Variants in SEMA4D observed in about 807,000 individuals in gnomAD.
SEMA4D encodes the protein semaphorin-4D.
SEMA4D carries 22 observed loss-of-function variants against 74.8 expected under a neutral mutation model. That is an observed-to-expected ratio of 0.29 (90% CI 0.21 to 0.42). The LOEUF (loss-of-function observed/expected upper bound fraction) is 0.42. SEMA4D is among the 10% of genes least tolerant of loss of function. SEMA4D has a pLI of 1.00. For missense variants in SEMA4D, 937 were observed against 1,118.4 expected, an observed-to-expected ratio of 0.84 and a Z score of 2.31; for synonymous variants, 445 against 463.7, an observed-to-expected ratio of 0.96 and a Z score of 0.52.
rs199958670 is a variant in SEMA4D at position 89,484,877 on chromosome 9, TG to T, written c.-310+13041del. On this transcript the variant is annotated intron_variant, in intron 1 of 15. Coordinates refer to ENST00000422704, the MANE Select transcript of SEMA4D (RefSeq NM_001371194.2). The surrounding 1 kb of genome is among the most constrained non-coding windows in gnomAD (Gnocchi z 4.1). ...GTGTGTATACTGGGTGTTTGTGGTGTGGGGGGTATGTGTGTAGTGTGTGGTA... is the reference window on the plus strand; with the variant it reads ...GTGTGTATACTGGGTGTTTGTGGTGTGGGGGTATGTGTGTAGTGTGTGGTA... Among the ~76,000 whole-genome samples, 3,332 of 150,208 alleles carry T rather than the reference TG, an allele frequency of 0.022. 66 individuals carry two copies. Among genetic ancestry groups the T allele is most frequent in the South Asian group, 0.076 (358 of 4,726 alleles).
chr9:89,457,362 A>G (rs1211608758), intron 1 of SEMA4D, among the ~76,000 whole-genome samples: 1 of 152,192 alleles, frequency 6.6e-6, no homozygotes, highest in Non-Finnish European at 1.5e-5. Context: ...AGCCATGGAA[A>G]CCTTCCAAGT....
chr9:89,425,483 C>T (rs971655139), intron 2 of SEMA4D, among the ~76,000 whole-genome samples: 2 of 152,238 alleles, frequency 1.3e-5, no homozygotes, highest in Admixed American at 1.3e-4. Context: ...GGAAGCAGCA[C>T]GTGGCCCTGA....
downstream of SEMA4D, among the ~76,000 whole-genome samples, chr9:89,372,400 TGTGTGTGTCTGGGGTGTG>T (rs368278264): frequency 1.5e-4 from 18 of 117,366 alleles, no homozygotes; most frequent in Middle Eastern, 5.4e-3. Flanking sequence ...GTCGGGGGTG[TGTGTGTGTCTGGGGTGTG>T]GTGTGTGTGT....
chr9:89,476,550 G>A (rs756484631), intron 1 of SEMA4D, among the ~76,000 whole-genome samples: 4 of 152,202 alleles, frequency 2.6e-5, no homozygotes, highest in Non-Finnish European at 4.4e-5. Context: ...CCAAGGAGAA[G>A]AGCAGAAAGT....
At chr9:89,369,361 T>A (rs1834186500) in intron 16 of SEMA4D, 1 of 152,160 alleles carries the variant, frequency 6.6e-6, no homozygotes, top group African/African-American at 2.4e-5. Context: ...TAAAAGGCCA[T>A]CCCAAATCCA....
intron 2 of SEMA4D, among the ~76,000 whole-genome samples, chr9:89,423,421 C>A (rs1158864846): frequency 6.6e-6 from 1 of 152,140 alleles, no homozygotes; most frequent in Non-Finnish European, 1.5e-5. Flanking sequence ...AAACTCCCAA[C>A]CTCGGTGATC....
At chr9:89,443,240 C>T (rs372238820) in intron 2 of SEMA4D, among the ~76,000 whole-genome samples, 1 of 152,186 alleles carries the variant, frequency 6.6e-6, no homozygotes, top group Non-Finnish European at 1.5e-5. Flanking sequence ...GGCCGGGTCG[C>T]GAGGTGCTCT....
At chr9:89,425,990 G>T (rs940694086) in intron 2 of SEMA4D, among the ~76,000 whole-genome samples, 1 of 152,236 alleles carries the variant, frequency 6.6e-6, no homozygotes, top group African/African-American at 2.4e-5. Context: ...CACAGAATCT[G>T]CCAGAACCAT....
intron 1 of SEMA4D, among the ~76,000 whole-genome samples, chr9:89,494,564 T>C (rs7852744): frequency 0.89 from 135,309 of 152,266 alleles, 60,389 homozygotes; most frequent in Non-Finnish European, 0.93. Context: ...TAGATTGGCA[T>C]ATCTTTTAAA....
chr9:89,418,435 A>G lies in SEMA4D; in HGVS notation c.-243-12736T>C, dbSNP rs148541173. The G allele has an allele frequency of 9.1e-6, 9 of 985,420 alleles. No individual in the cohort carries two copies. In the East Asian group the frequency reaches 9.1e-4, roughly 99 times the overall value. The allele number at this position is 985,420 out of a possible 1,614,324, so 61.0% of individuals were successfully genotyped here. A position where few individuals can be genotyped will look rare whatever the true frequency, so the allele number is the denominator to read the frequency against. The stretch of plus-strand genomic sequence containing the variant: ...CACAATAAGCCATTCCAGTTAGCAG[A>G]GTCTGTGAACCAAAAAAGTACTATC... On this transcript the variant is annotated intron_variant, in intron 2 of 15. Transcript: ENST00000422704.
intron 2 of SEMA4D, among the ~76,000 whole-genome samples, chr9:89,438,245 C>T (rs1047994986): frequency 2.0e-5 from 3 of 152,260 alleles, no homozygotes; most frequent in African/African-American, 4.8e-5. Flanking sequence ...AGATGAGAAA[C>T]TGGAGACCCA....
chr9:89,386,266 C>T, intron 13 of SEMA4D, 101 bp downstream of exon 13: 1 of 1,048,258 alleles, frequency 9.5e-7, no homozygotes, highest in Non-Finnish European at 1.4e-6. Context: ...GACAGAGGGG[C>T]CTGCCCAGGA....
intron 1 of SEMA4D, among the ~76,000 whole-genome samples, chr9:89,459,818 G>A (rs577823948): frequency 6.6e-6 from 1 of 152,330 alleles, no homozygotes; most frequent in East Asian, 1.9e-4. Context: ...GCTAAGATTT[G>A]AGGGCCCATG....
In SEMA4D at chr9:89,381,648, G is replaced by C; in HGVS notation, c.1447-302C>G. 3.7e-6 allele frequency: 1 copy of C among 271,436 alleles called. No homozygotes were observed. Among genetic ancestry groups the C allele is most frequent in the East Asian group, 6.5e-5 (1 of 15,326 alleles). 16.8% of individuals were successfully genotyped at this position (271,436 alleles called of 1,614,324 possible). A position where few individuals can be genotyped will look rare whatever the true frequency, so the allele number is the denominator to read the frequency against. On this transcript the variant is annotated intron_variant, in intron 13 of 15. Transcript: ENST00000422704. The surrounding 1 kb of genome is among the most constrained non-coding windows in gnomAD (Gnocchi z 4.6). ...TCTCTGCACGTGTTTCTCTTAGCCA[G>C]TGGGGAGGCTGTTCAGTCCCCACCT...
intron 1 of SEMA4D, among the ~76,000 whole-genome samples, chr9:89,476,105 T>C (rs1465392122): frequency 6.6e-6 from 1 of 152,168 alleles, no homozygotes; most frequent in Non-Finnish European, 1.5e-5. Flanking sequence ...TCGCTCCTGG[T>C]GCCATTAGAA....
intron 16 of SEMA4D, among the ~76,000 whole-genome samples, chr9:89,371,231 C>G (rs1232454083): frequency 2.0e-5 from 1 of 50,738 alleles, no homozygotes; most frequent in Non-Finnish European, 3.7e-5. Context: ...TGGTGTGTGT[C>G]TGGGGTAGGG....
At chr9:89,450,103 T>A in intron 2 of SEMA4D, 5 of 1,217,652 alleles carry the variant, frequency 4.1e-6, no homozygotes, top group Non-Finnish European at 6.1e-6. Context: ...TGCATGCCAA[T>A]AGAAGGTATG....
intron 1 of SEMA4D, among the ~76,000 whole-genome samples, chr9:89,488,939 C>T (rs1450463615): frequency 6.6e-6 from 1 of 152,192 alleles, no homozygotes; most frequent in Non-Finnish European, 1.5e-5. Flanking sequence ...ACACCTACAA[C>T]TCACATATAA....
At chr9:89,385,280 C>G (rs1220025762) in intron 13 of SEMA4D, 1 of 985,306 alleles carries the variant, frequency 1.0e-6, no homozygotes, top group African/African-American at 1.7e-5. Context: ...TCACGAATGT[C>G]CACACCAGGG....
Sources: allele counts gnomAD v4.1 joint callset (sites outside exome capture counted in the v4.1 genomes callset), GRCh38; gene constraint gnomAD v4.1.1; non-coding constraint Gnocchi (gnomAD v3.1); transcripts MANE v1.5; gene names NCBI Gene and HGNC (gene_info 2026-07-23, HGNC 2026-07-21).